Variants in MUC6 observed in about 807,000 individuals in gnomAD.
MUC6 encodes mucin 6, oligomeric mucus/gel-forming (gene/pseudogene).
In MUC6, 188 loss-of-function variants were observed where a neutral mutation model predicts 201.5. The ratio of observed to expected loss-of-function variants is 0.93; its 90% CI spans 0.83 to 1.05. The LOEUF (loss-of-function observed/expected upper bound fraction) is 1.05. Among genes scored for constraint, MUC6 ranks in the 50% least tolerant of loss-of-function variants. The probability of loss-of-function intolerance (pLI) is 0.00; values close to 1 mark genes in which losing one functional copy is unlikely to be tolerated. For synonymous variants in MUC6, 1,228 were observed against 1,389.4 expected (o/e 0.88, Z 2.58); for missense variants, 2,706 against 3,256.9 (o/e 0.83, Z 4.12).
At chr11:1,021,813 G>A (rs979537432) in intron 26 of MUC6, among the ~76,000 whole-genome samples, 2 of 151,906 alleles carry the variant, frequency 1.3e-5, no homozygotes, top group South Asian at 2.1e-4. Context: ...TGTGCTCCCC[G>A]ATGCAGGTGC....
rs779741876 is a variant in MUC6, at chr11:1,016,245, G to A, written c.6556C>T (p.His2186Tyr). 1.9e-6 allele frequency: 3 copies of A among 1,613,292 alleles called. No homozygotes were observed. The South Asian group carries it at 3.3e-5, about 18-fold the overall frequency. The change falls in exon 31 of 33, where the codon CAT becomes TAT. Residue 2186 changes from histidine to tyrosine, a missense_variant. Physicochemically the swap from His to Tyr is moderately conservative, Grantham distance 83. This residue lies in a region of MUC6 where 586 missense variants were observed against 488.0 expected (regional missense o/e 1.20). Transcript: ENST00000421673. ...GCAGACACTGATGCAGTCGTGGGAT[G>A]AGTGGACAATGAGGAGTGTGACCCC... ...SSGSHSSLST[H>Y]PTTASVSASP...
chr11:1,035,344 C>G (rs117423673), intron 1 of MUC6, among the ~76,000 whole-genome samples: 1 of 152,194 alleles, frequency 6.6e-6, no homozygotes, highest in Non-Finnish European at 1.5e-5. Flanking sequence ...GACTAGGGGT[C>G]GCACTCTGCT....
In MUC6 at chr11:1,029,048, G is replaced by C. The variant is rs745739904; in HGVS notation, c.1378C>G (p.Gln460Glu). ...GATGGGCGCAGGAAAGGCCTTACCT[G>C]CCTGGAGAGGTAGACCACAGCCACC... ...SLVAVVYLSR[Q>E]DKIVISQDEV... The change falls in exon 11 of 33, where the codon CAG (glutamine) becomes GAG (glutamate). Residue 460 changes from glutamine (Q) to glutamate (E), a missense_variant and splice_region_variant. Physicochemically the swap from Gln to Glu is conservative, Grantham distance 29. Around this residue, in one of 10 missense-constraint regions of MUC6, gnomAD observed 1,850 missense variants for 1,958.3 expected, o/e 0.94. Coordinates refer to ENST00000421673, the MANE Select transcript of MUC6 (RefSeq NM_005961.3). 6.2e-7 allele frequency: 1 copy of C among 1,612,738 alleles called. No individual in the cohort carries two copies. The highest frequency in any genetic ancestry group is 1.3e-5 in the African/African-American group (1 of 75,040).
chr11:1,028,178 T>G (rs1325881029), intron 14 of MUC6, 48 bp downstream of exon 14: 1 of 1,540,850 alleles, frequency 6.5e-7, no homozygotes, highest in South Asian at 1.2e-5. Flanking sequence ...CTGTCAGAAC[T>G]GTGGGCGCTG....
In MUC6 at chr11:1,016,478, G is replaced by A. The variant is rs1400979572; in HGVS notation, c.6323C>T (p.Thr2108Ile). 1 of 1,613,816 alleles carries A rather than the reference G, an allele frequency of 6.2e-7. No individual in the cohort carries two copies. Among genetic ancestry groups the A allele is most frequent in the Non-Finnish European group, 8.5e-7 (1 of 1,179,892 alleles). The change falls in exon 31 of 33, where the codon ACC becomes ATC. Residue 2108 changes from threonine (T) to isoleucine (I), a missense_variant. Physicochemically the swap from Thr to Ile is moderately conservative, Grantham distance 89. Around this residue, in one of 10 missense-constraint regions of MUC6, gnomAD observed 586 missense variants for 488.0 expected, o/e 1.20. Transcript: ENST00000421673. ...AGAACTCAAGTGGGGGAGTTGTGTG[G>A]TGATAGGTGATGACGGTGGCCTTGA... ...SSSRPPSSPI[T>I]TQLPHLSSAT...
rs939587103 is a variant in MUC6, at chr11:1,029,728, C to T, written c.1016-113G>A. ...CCTGGCTCCAGGGAGACGCCCCCTCCAGCCTGGCTCCAGGGAGACGCCCCT... is the reference window on the plus strand; with the variant it reads ...CCTGGCTCCAGGGAGACGCCCCCTCTAGCCTGGCTCCAGGGAGACGCCCCT... On this transcript the variant is annotated intron_variant, in intron 8 of 32. Coordinates refer to ENST00000421673, the MANE Select transcript of MUC6 (RefSeq NM_005961.3). 1.4e-5 allele frequency: 19 copies of T among 1,379,390 alleles called. No homozygotes were observed. In the Admixed American group the frequency reaches 3.2e-4, roughly 23 times the overall value. The allele number at this position is 1,379,390 out of a possible 1,614,324, so 85.4% of individuals were successfully genotyped here. A position where few individuals can be genotyped will look rare whatever the true frequency, so the allele number is the denominator to read the frequency against.
chr11:1,031,529 G>A, intron 4 of MUC6, 78 bp downstream of exon 4: 1 of 1,518,500 alleles, frequency 6.6e-7, no homozygotes, highest in Non-Finnish European at 8.8e-7. Flanking sequence ...GACCCCCAAG[G>A]AGGGCAGCCC....
At chr11:1,015,527 C>T (rs1856582000) in intron 31 of MUC6, among the ~76,000 whole-genome samples, 1 of 152,084 alleles carries the variant, frequency 6.6e-6, no homozygotes, top group South Asian at 2.1e-4. Flanking sequence ...TCAAGGTTAG[C>T]TGGGGAACAA....
intron 30 of MUC6, 34 bp downstream of exon 30, chr11:1,019,241 G>A (rs1211527539): frequency 4.4e-6 from 7 of 1,603,396 alleles, no homozygotes; most frequent in African/African-American, 4.0e-5. Flanking sequence ...GGGTGCCTTC[G>A]GCAGTGCTGG....
rs1183473545 is a variant in MUC6 at position 1,028,988 on chromosome 11, G to A, written c.1381-27C>T. On this transcript the variant is annotated intron_variant, in intron 11 of 32. Coordinates refer to ENST00000421673, the MANE Select transcript of MUC6 (RefSeq NM_005961.3). ...TGGAGAGAGGGTGGCCTGAGTCAGG[G>A]TGCAGGCACCAGGGAGCGGAGCCCT... The A allele has an allele frequency of 1.9e-6, 3 of 1,612,940 alleles. No individual in the cohort carries two copies. In the South Asian group the frequency reaches 3.3e-5, roughly 18 times the overall value.
intron 31 of MUC6, among the ~76,000 whole-genome samples, chr11:1,015,137 A>G (rs116360813): frequency 0.057 from 8,693 of 152,226 alleles, 833 homozygotes; most frequent in African/African-American, 0.2. Context: ...TGAGGTGGAC[A>G]TGGATAAGGC....
At position 1,020,675 on chromosome 11, in the gene MUC6, T is replaced by TGGTGG; in HGVS notation, c.3640+8_3640+9insCCACC. On this transcript the variant is annotated intron_variant, in intron 28 of 32. Transcript: ENST00000421673. ...GCGTCACCTTGGCACCTAGTGTGCG[T>TGGTGG]GCAATTACCTGTGGTGGGCAGCTGC... 2.5e-6 allele frequency: 4 copies of TGGTGG among 1,613,600 alleles called. No homozygotes were observed. Among genetic ancestry groups the TGGTGG allele is most frequent in the Non-Finnish European group, 3.4e-6 (4 of 1,179,764 alleles).
chr11:1,016,446 T>TG lies in MUC6; in HGVS notation c.6354dup (p.Thr2119HisfsTer7). 6.2e-7 allele frequency: 1 copy of TG among 1,612,656 alleles called. No homozygotes were observed. Among genetic ancestry groups the TG allele is most frequent in the Non-Finnish European group, 8.5e-7 (1 of 1,179,504 alleles). On this transcript the variant is annotated frameshift_variant, in exon 31 of 33. Coordinates refer to ENST00000421673, the MANE Select transcript of MUC6 (RefSeq NM_005961.3). LOFTEE classifies it high-confidence loss of function. ...AGCTGATTAGTTGTGGAAACAGGAG[T>TG]GGTTGCAGAACTCAAGTGGGGGAGT...
At chr11:1,014,854 T>A (rs1276427147) in intron 31 of MUC6, among the ~76,000 whole-genome samples, 1 of 152,108 alleles carries the variant, frequency 6.6e-6, no homozygotes. Context: ...TGCCCTCCCC[T>A]CCCAGCTGGT....
At position 1,013,931 on chromosome 11, in the gene MUC6, G is replaced by T; in HGVS notation, c.7110C>A (p.Thr2370=). 1 of 1,607,930 alleles carries T rather than the reference G, an allele frequency of 6.2e-7. No homozygotes were observed. Among genetic ancestry groups the T allele is most frequent in the East Asian group, 2.2e-5 (1 of 44,658 alleles). Residue 2370 remains threonine, a synonymous_variant, in exon 32 of 33, where the codon ACC becomes ACA. Coordinates refer to ENST00000421673, the MANE Select transcript of MUC6 (RefSeq NM_005961.3). ...FKGCMANVTV[T]RCEGACISAA... ...CGGAAATGCAGGCGCCCTCACAGCG[G>T]GTTACCGTCACGTTCGCCATGCACC...
intron 28 of MUC6, 55 bp downstream of exon 28, chr11:1,020,629 G>C (rs2133821746): frequency 6.2e-7 from 1 of 1,608,798 alleles, no homozygotes; most frequent in Admixed American, 1.7e-5. Flanking sequence ...AGGGAACCGA[G>C]GGGAGCCCAG....
rs115933950 is a variant in MUC6 at position 1,036,067 on chromosome 11, C to T, written c.52+537G>A. Among the ~76,000 whole-genome samples, 1,416 of 152,156 alleles carry T rather than the reference C, an allele frequency of 9.3e-3. 28 individuals are homozygous for T. Among genetic ancestry groups the T allele is most frequent in the African/African-American group, 0.032 (1,348 of 41,504 alleles). On this transcript the variant is annotated intron_variant, in intron 1 of 32. Coordinates refer to ENST00000421673, the MANE Select transcript of MUC6 (RefSeq NM_005961.3). ...CGCGGGGGAGAGGGCAGGCTGCCTG[C>T]GGCGGTTCTGAGCCCAGGATGGCCG...
rs1249235219 is a variant in MUC6 at position 1,016,159 on chromosome 11, G to A, written c.6642C>T (p.His2214=). ...ASTTIRATLP[H]TISSPFTLSA... is the part of the protein sequence containing the mutation. ...AGAGGGTGAAAGGAGAGGAGATAGT[G>A]TGGGGGAGAGTGGCCCTAATGGTAG... The change falls in exon 31 of 33, where the codon CAC becomes CAT. Residue 2214 remains histidine, a synonymous_variant. Transcript: ENST00000421673. 6.2e-7 allele frequency: 1 copy of A among 1,613,618 alleles called. No individual in the cohort carries two copies. The highest frequency in any genetic ancestry group is 1.7e-5 in the Admixed American group (1 of 59,968).
chr11:1,013,674 A>G (rs868521167), intron 32 of MUC6, 41 bp from the exon 33 acceptor site: 14 of 1,532,830 alleles, frequency 9.1e-6, no homozygotes, highest in Middle Eastern at 1.9e-4. Context: ...TGACTGCTGC[A>G]GGGGCATAAG....
Sources: gnomAD v4.1 joint callset for allele counts (sites outside exome capture counted in the v4.1 genomes callset) on GRCh38, gnomAD v4.1.1 for gene constraint, gnomAD v4.1.1 regional missense constraint, MANE v1.5 for transcripts, NCBI Gene and HGNC (gene_info 2026-07-23, HGNC 2026-07-21) for gene names.